CTNNA2: variants seen among roughly 807,000 people sequenced by gnomAD.
CTNNA2 encodes catenin alpha 2, also known as catenin alpha-2.
Under a neutral mutation model 101.0 loss-of-function variants are expected in CTNNA2, and 42 were observed. The ratio of observed to expected loss-of-function variants is 0.42; its 90% CI spans 0.32 to 0.54. CTNNA2 has a LOEUF of 0.54. Among genes scored for constraint, CTNNA2 ranks in the 20% least tolerant of loss-of-function variants. CTNNA2 has a pLI of 0.14. For missense variants in CTNNA2, 871 were observed against 1,223.1 expected (o/e 0.71, Z 4.29); for synonymous variants, 450 against 456.4 (o/e 0.99, Z 0.18).
intron 18 of CTNNA2, among the ~76,000 whole-genome samples, chr2:80,635,073 G>A (rs1309155794): frequency 6.6e-6 from 1 of 152,090 alleles, no homozygotes; most frequent in South Asian, 2.1e-4. Flanking sequence ...AGAACCTGAA[G>A]TATAATTTAG....
At chr2:79,989,716 G>A (rs58680532) in intron 7 of CTNNA2, among the ~76,000 whole-genome samples, 5,074 of 152,192 alleles carry the variant, frequency 0.033, 245 homozygotes, top group African/African-American at 0.11. Flanking sequence ...ATCTTTGATT[G>A]ACTCTCTAGG....
intron 18 of CTNNA2, among the ~76,000 whole-genome samples, chr2:80,637,171 T>G (rs1391305794): frequency 6.6e-6 from 1 of 152,170 alleles, no homozygotes; most frequent in Non-Finnish European, 1.5e-5. Flanking sequence ...TGGACTCACC[T>G]GGTGATTTAA....
intron 12 of CTNNA2, chr2:80,572,953 A>G (rs957730212): frequency 6.6e-6 from 1 of 152,166 alleles, no homozygotes; most frequent in Non-Finnish European, 1.5e-5. Flanking sequence ...TGGTAGAAAT[A>G]CATTTTTCCA....
chr2:79,431,859 T>C (rs560519305), intron 4 of CTNNA2, among the ~76,000 whole-genome samples: 4 of 152,320 alleles, frequency 2.6e-5, no homozygotes, highest in African/African-American at 9.6e-5. Context: ...CGGTGAACTA[T>C]AAGATGTTAT....
intron 15 of CTNNA2, among the ~76,000 whole-genome samples, chr2:80,589,899 T>C (rs867592119): frequency 1.5e-4 from 21 of 144,628 alleles, no homozygotes; most frequent in African/African-American, 4.0e-4. Context: ...TGTGTGTGTG[T>C]GTGTGTGCGC....
Position 80,422,579 on chromosome 2 carries a change from T to C in CTNNA2, c.1290+2978T>C, listed in dbSNP as rs1013415807. On this transcript the variant is annotated intron_variant, in intron 9 of 18. Coordinates refer to ENST00000402739, the MANE Select transcript of CTNNA2 (RefSeq NM_001282597.3). The stretch of plus-strand genomic sequence containing the variant: ...TTAATTATATTGCTTGCTCTATGTT[T>C]CTTTCAGATACTTTAATTAGGTCAA... Among the ~76,000 whole-genome samples, 6 of 152,354 alleles carry C rather than the reference T, an allele frequency of 3.9e-5. No individual in the cohort carries two copies. In the East Asian group the frequency reaches 1.2e-3, roughly 29 times the overall value.
chr2:80,269,142 T>C (rs1025338248), intron 7 of CTNNA2, among the ~76,000 whole-genome samples: 3 of 152,250 alleles, frequency 2.0e-5, no homozygotes, highest in Non-Finnish European at 2.9e-5. Context: ...TGATATAGTT[T>C]GGCTGTGTTC....
intron 7 of CTNNA2, among the ~76,000 whole-genome samples, chr2:80,156,138 C>T (rs1434024319): frequency 6.6e-6 from 1 of 152,186 alleles, no homozygotes; most frequent in Non-Finnish European, 1.5e-5. Flanking sequence ...CCAACCCCAA[C>T]ATATATATCC....
intron 4 of CTNNA2, among the ~76,000 whole-genome samples, chr2:79,474,741 G>A (rs1296247693): frequency 6.6e-6 from 1 of 152,086 alleles, no homozygotes; most frequent in African/African-American, 2.4e-5. Context: ...CAGAAGTGTG[G>A]TTTAAAATAG....
intron 16 of CTNNA2, among the ~76,000 whole-genome samples, chr2:80,607,850 A>T (rs774058120): frequency 2.0e-5 from 3 of 151,858 alleles, no homozygotes; most frequent in Non-Finnish European, 2.9e-5. Context: ...ATAACATTTC[A>T]CATAGTGAAA....
intron 4 of CTNNA2, among the ~76,000 whole-genome samples, chr2:79,501,489 G>A (rs144810961): frequency 7.2e-5 from 11 of 152,288 alleles, no homozygotes; most frequent in Admixed American, 7.2e-4. Context: ...AAATAAAGTG[G>A]TCAATGCATT....
chr2:79,243,015 C>CAT lies in CTNNA2; in HGVS notation c.-406+44940_-406+44941insTA, dbSNP rs1181002921. The stretch of plus-strand genomic sequence containing the variant: ...ATATACACACACACACACACACACA[C>CAT]ACACACACACACACGTTAATATTCA... On this transcript the variant is annotated intron_variant, in intron 2 of 21. Coordinates refer to the CTNNA2 transcript ENST00000466387. Among the ~76,000 whole-genome samples, 251 of 145,386 alleles carry CAT rather than the reference C, an allele frequency of 1.7e-3. 1 individual carries two copies. The highest frequency in any genetic ancestry group is 5.9e-3 in the African/African-American group (229 of 38,854).
intron 7 of CTNNA2, among the ~76,000 whole-genome samples, chr2:80,234,003 C>A (rs1277120504): frequency 1.3e-5 from 2 of 151,944 alleles, no homozygotes; most frequent in Non-Finnish European, 2.9e-5. Flanking sequence ...TTTTTACAAT[C>A]TTCCTGCACC....
At chr2:79,600,565 A>G (rs997062893) in intron 1 of CTNNA2, among the ~76,000 whole-genome samples, 1 of 152,174 alleles carries the variant, frequency 6.6e-6, no homozygotes, top group Non-Finnish European at 1.5e-5. Flanking sequence ...GGAATTATAA[A>G]TGTATAAATT....
chr2:79,840,880 C>T (rs1679752962), intron 3 of CTNNA2, among the ~76,000 whole-genome samples: 1 of 152,092 alleles, frequency 6.6e-6, no homozygotes, highest in African/African-American at 2.4e-5. Flanking sequence ...CGCCATTCTC[C>T]TGCCTCAGCC....
chr2:80,170,817 T>C (rs1380521455), intron 7 of CTNNA2, among the ~76,000 whole-genome samples: 1 of 152,060 alleles, frequency 6.6e-6, no homozygotes, highest in Non-Finnish European at 1.5e-5. Context: ...ATCTGTTGGG[T>C]GGGTGAGGTG....
At chr2:79,775,087 C>G (rs1673865324) in intron 3 of CTNNA2, among the ~76,000 whole-genome samples, 1 of 152,192 alleles carries the variant, frequency 6.6e-6, no homozygotes. Context: ...TAAACAATAA[C>G]AGCAGCTGCT....
At chr2:79,692,870 C>T (rs1402797748) in intron 2 of CTNNA2, among the ~76,000 whole-genome samples, 6 of 9,430 alleles carry the variant, frequency 6.4e-4, no homozygotes, top group Admixed American at 3.2e-3. Context: ...CTGGGTCTGT[C>T]GGGGGGTGGG....
chr2:80,108,381 G>GC lies in CTNNA2; in HGVS notation c.1056+198589dup. Among the ~76,000 whole-genome samples, 4 of 152,164 alleles carry GC rather than the reference G, an allele frequency of 2.6e-5. No individual in the cohort carries two copies. The South Asian group carries it at 8.3e-4, about 32-fold the overall frequency. Reference sequence around the variant, plus strand: ...GAACACCCAGTAAAATCACTATGCTGCCCCCTACCCTATTCCTTTGGCAGA... The same window carrying GC: ...GAACACCCAGTAAAATCACTATGCTGCCCCCCTACCCTATTCCTTTGGCAGA... On this transcript the variant is annotated intron_variant, in intron 7 of 18. Transcript: ENST00000402739.
Sources: allele counts gnomAD v4.1 joint callset (sites outside exome capture counted in the v4.1 genomes callset), GRCh38; gene constraint gnomAD v4.1.1; transcripts MANE v1.5; gene names NCBI Gene and HGNC (gene_info 2026-07-23, HGNC 2026-07-21).